Variants in ANKRD31 observed in about 807,000 individuals in gnomAD.
ANKRD31 encodes ankyrin repeat domain 31.
In ANKRD31, 147 loss-of-function variants were observed where a neutral mutation model predicts 186.0. The observed-to-expected ratio is 0.79, with a 90% confidence interval of 0.69 to 0.91. The LOEUF is 0.91. ANKRD31 is among the 40% of genes least tolerant of loss of function. The probability of loss-of-function intolerance (pLI) is 0.00; values close to 1 mark genes in which losing one functional copy is unlikely to be tolerated. For missense variants in ANKRD31, 1,986 were observed against 2,148.8 expected (o/e 0.92, Z 1.50); for synonymous variants, 673 against 736.4 (o/e 0.91, Z 1.39).
At chr5:75,202,637 A>G (rs955338629) in intron 5 of ANKRD31, among the ~76,000 whole-genome samples, 7 of 152,232 alleles carry the variant, frequency 4.6e-5, no homozygotes, top group Non-Finnish European at 8.8e-5. Context: ...CAGTTTGCTT[A>G]TCTTTATCTT....
At chr5:75,194,923 T>C (rs1323599453) in intron 7 of ANKRD31, among the ~76,000 whole-genome samples, 1 of 152,144 alleles carries the variant, frequency 6.6e-6, no homozygotes, top group Non-Finnish European at 1.5e-5. Context: ...TATGTAATTC[T>C]GTAAGGTTTA....
intron 12 of ANKRD31, among the ~76,000 whole-genome samples, chr5:75,151,924 T>C (rs1751866925): frequency 6.6e-6 from 1 of 152,090 alleles, no homozygotes; most frequent in Non-Finnish European, 1.5e-5. Context: ...ATTCATCTTG[T>C]ATTATCAGGC....
chr5:75,142,873 G>A (rs1751152932), intron 15 of ANKRD31, among the ~76,000 whole-genome samples: 1 of 152,130 alleles, frequency 6.6e-6, no homozygotes, highest in African/African-American at 2.4e-5. Flanking sequence ...TAATAGACAT[G>A]TTAAAAATTA....
chr5:75,214,144 A>G (rs961795297), intron 3 of ANKRD31, among the ~76,000 whole-genome samples: 3 of 152,244 alleles, frequency 2.0e-5, no homozygotes, highest in African/African-American at 7.2e-5. Flanking sequence ...CCCTCTGGAC[A>G]TATGGTACCA....
At chr5:75,161,365 T>G (rs1448348182) in intron 11 of ANKRD31, among the ~76,000 whole-genome samples, 18 of 152,150 alleles carry the variant, frequency 1.2e-4, no homozygotes, top group African/African-American at 3.9e-4. Context: ...TTGTGGAACT[T>G]TGAACTTGAG....
intron 21 of ANKRD31, 78 bp from the exon 22 acceptor site, chr5:75,105,296 T>C (rs186362966): frequency 4.5e-6 from 6 of 1,341,410 alleles, no homozygotes; most frequent in Non-Finnish European, 4.9e-6. Flanking sequence ...AGGTTAAAGA[T>C]ACTTTGTCTC....
intron 1 of ANKRD31, among the ~76,000 whole-genome samples, chr5:75,234,271 A>G (rs979724804): frequency 1.8e-4 from 28 of 152,358 alleles, no homozygotes; most frequent in African/African-American, 6.3e-4. Flanking sequence ...TACAAGTAGA[A>G]TTAGGTCAGA....
intron 10 of ANKRD31, among the ~76,000 whole-genome samples, chr5:75,170,769 C>T (rs1753254608): frequency 6.6e-6 from 1 of 151,884 alleles, no homozygotes; most frequent in Non-Finnish European, 1.5e-5. Context: ...GAAAAAGATA[C>T]AGTAAAAGGA....
chr5:75,101,224 C>A (rs985364336), intron 22 of ANKRD31, among the ~76,000 whole-genome samples: 5 of 152,058 alleles, frequency 3.3e-5, no homozygotes, highest in African/African-American at 1.2e-4. Context: ...GTTGAAAATT[C>A]TTTTCTTTAA....
Position 75,116,556 on chromosome 5 carries a change from C to T in ANKRD31, c.4155+10G>A. 3.0e-6 allele frequency: 4 copies of T among 1,350,880 alleles called. No individual in the cohort carries two copies. The highest frequency in any genetic ancestry group is 3.8e-6 in the Non-Finnish European group (4 of 1,044,354). 83.7% of individuals were successfully genotyped at this position (1,350,880 alleles called of 1,614,324 possible). ...AAGATGAAGAACAAAGTAATTTTAA[C>T]TTCACTCACCACAGAAAGGCTTTCT... On this transcript the variant is annotated intron_variant, in intron 19 of 25. Coordinates refer to ENST00000506364, the MANE Select transcript of ANKRD31 (RefSeq NM_001372053.1).
At chr5:75,141,024 T>C (rs558798040) in intron 15 of ANKRD31, among the ~76,000 whole-genome samples, 2 of 152,258 alleles carry the variant, frequency 1.3e-5, no homozygotes, top group Non-Finnish European at 2.9e-5. Flanking sequence ...TCTTTGAGGG[T>C]AGGGCCCAGC....
Position 75,077,464 on chromosome 5 carries a change from T to A in ANKRD31, c.5647+3104A>T, listed in dbSNP as rs868048014. Among the ~76,000 whole-genome samples the A allele has an allele frequency of 3.9e-5, 6 of 152,274 alleles. No individual in the cohort carries two copies. In the South Asian group the frequency reaches 1.2e-3, roughly 32 times the overall value. ...AGAAATAAACCTGAAGTATAATTATTTAGAAGTTTAAAACTATTTAAGCCC... is the reference window on the plus strand; with the variant it reads ...AGAAATAAACCTGAAGTATAATTATATAGAAGTTTAAAACTATTTAAGCCC... On this transcript the variant is annotated intron_variant, in intron 25 of 25. Transcript: ENST00000506364.
Position 75,210,833 on chromosome 5 carries a change from C to T in ANKRD31, c.321G>A (p.Leu107=), listed in dbSNP as rs2219745. 335,788 of 1,505,026 alleles carry T rather than the reference C, an allele frequency of 0.22. 39,478 individuals carry two copies. The highest frequency in any genetic ancestry group is 0.38 in the South Asian group (29,148 of 76,736). The allele number at this position is 1,505,026 out of a possible 1,614,324, so 93.2% of individuals were successfully genotyped here. The change falls in exon 4 of 26, where the codon CTG becomes CTA. Residue 107 remains leucine, a synonymous_variant. Coordinates refer to ENST00000506364, the MANE Select transcript of ANKRD31 (RefSeq NM_001372053.1). ...SQDETERNQA[L]LQTRKNCSMF... ...CCAAAAATTAGTATACTTACTGTAA[C>T]AGAGCTTGATTTCGTTCTGTTTCAT...
chr5:75,164,151 C>A (rs1205735266), intron 11 of ANKRD31, among the ~76,000 whole-genome samples: 1 of 152,154 alleles, frequency 6.6e-6, no homozygotes, highest in African/African-American at 2.4e-5. Context: ...ATGGAGGGGT[C>A]CATGTGGCAA....
At chr5:75,167,752 C>T (rs1215609420) in intron 11 of ANKRD31, among the ~76,000 whole-genome samples, 1 of 152,012 alleles carries the variant, frequency 6.6e-6, no homozygotes, top group Non-Finnish European at 1.5e-5. Context: ...TGGATTAGAG[C>T]CAAGTTCGAA....
intron 11 of ANKRD31, among the ~76,000 whole-genome samples, chr5:75,164,005 T>C (rs529711157): frequency 6.6e-6 from 1 of 152,298 alleles, no homozygotes; most frequent in South Asian, 2.1e-4. Context: ...TAACAAATAG[T>C]ATATGGCAGA....
At chr5:75,154,152 T>C in intron 12 of ANKRD31, 49 bp downstream of exon 12, 1 of 1,333,882 alleles carries the variant, frequency 7.5e-7, no homozygotes, top group East Asian at 2.8e-5. Flanking sequence ...TAAATTTCTG[T>C]AACTTCACTG....
Position 75,146,651 on chromosome 5 carries a change from A to G in ANKRD31, c.2760T>C (p.Cys920=), listed in dbSNP as rs1751461222. 2.0e-6 allele frequency: 3 copies of G among 1,536,026 alleles called. No homozygotes were observed. The African/African-American group carries it at 4.1e-5, about 21-fold the overall frequency. Residue 920 remains cysteine (C), a synonymous_variant, in exon 14 of 26, where the codon TGT becomes TGC. Transcript: ENST00000506364. ...TATAGTGTTTTTTGCCACCTGTAGAACACAACACCTTTTTAGATGTTATAG... is the reference window on the plus strand; with the variant it reads ...TATAGTGTTTTTTGCCACCTGTAGAGCACAACACCTTTTTAGATGTTATAG... ...EKAITSKKVL[C]STGGKKHYNF... is the part of the protein sequence containing the mutation.
At chr5:75,190,542 T>C (rs1755034116) in intron 9 of ANKRD31, among the ~76,000 whole-genome samples, 1 of 152,038 alleles carries the variant, frequency 6.6e-6, no homozygotes, top group Non-Finnish European at 1.5e-5. Context: ...ACAGACTGAA[T>C]GGTGTCCTCC....
Sources: gnomAD v4.1 joint callset for allele counts (sites outside exome capture counted in the v4.1 genomes callset) on GRCh38, gnomAD v4.1.1 for gene constraint, MANE v1.5 for transcripts, NCBI Gene and HGNC (gene_info 2026-07-23, HGNC 2026-07-21) for gene names.